Variants in ADARB2 observed in about 807,000 individuals in gnomAD.
The protein encoded by ADARB2 is inactive double-stranded RNA-specific editase B2.
A neutral mutation model predicts 62.2 loss-of-function variants in ADARB2; 25 were observed. The observed-to-expected ratio is 0.40, with a 90% CI of 0.29 to 0.56. ADARB2 has a LOEUF of 0.56. Among genes scored for constraint, ADARB2 ranks in the 20% least tolerant of loss-of-function variants. ADARB2 has a pLI of 0.43. For missense variants in ADARB2, 1,071 were observed against 1,077.4 expected (o/e 0.99, Z 0.08); for synonymous variants, 572 against 500.8 (o/e 1.14, Z -1.90).
chr10:1,403,774 A>G (rs1832684542), intron 1 of ADARB2, among the ~76,000 whole-genome samples: 1 of 152,202 alleles, frequency 6.6e-6, no homozygotes, highest in African/African-American at 2.4e-5. Context: ...GCAATGCAGT[A>G]TTGGAGGCAC....
intron 1 of ADARB2, among the ~76,000 whole-genome samples, chr10:1,392,334 C>T (rs1450038540): frequency 6.6e-6 from 1 of 152,168 alleles, no homozygotes; most frequent in Non-Finnish European, 1.5e-5. Context: ...ATACTTCAGC[C>T]TCTGTTACAA....
intron 1 of ADARB2, among the ~76,000 whole-genome samples, chr10:1,428,148 T>C (rs1830725923): frequency 3.3e-5 from 5 of 151,818 alleles, no homozygotes; most frequent in Admixed American, 3.3e-4. Context: ...TTTTTTTGTA[T>C]TTTTAGTAGA....
chr10:1,716,098 G>T, intron 1 of ADARB2, among the ~76,000 whole-genome samples: 1 of 151,294 alleles, frequency 6.6e-6, no homozygotes, highest in East Asian at 1.9e-4. Context: ...TTGCTAACTG[G>T]GTGCACCGTG....
At chr10:1,501,340 T>A (rs954402194) in intron 1 of ADARB2, among the ~76,000 whole-genome samples, 6 of 152,196 alleles carry the variant, frequency 3.9e-5, no homozygotes, top group Non-Finnish European at 8.8e-5. Flanking sequence ...TTTCTAGAGT[T>A]AAATATCCAG....
chr10:1,516,430 C>T (rs1196378381), intron 1 of ADARB2, among the ~76,000 whole-genome samples: 1 of 152,152 alleles, frequency 6.6e-6, no homozygotes, highest in Admixed American at 6.5e-5. Flanking sequence ...TCTCGACATA[C>T]ACGCTTCAGA....
intron 1 of ADARB2, among the ~76,000 whole-genome samples, chr10:1,496,641 G>A (rs2820620): frequency 0.94 from 142,305 of 151,954 alleles, 67,322 homozygotes; most frequent in East Asian, 1. Flanking sequence ...CATCATCATC[G>A]TATGGTTATC....
At chr10:1,209,588 A>G (rs1429380774) in intron 7 of ADARB2, among the ~76,000 whole-genome samples, 7 of 118,162 alleles carry the variant, frequency 5.9e-5, no homozygotes, top group Non-Finnish European at 8.9e-5. Context: ...CACTCTCACC[A>G]TCACCCACAC....
intron 3 of ADARB2, among the ~76,000 whole-genome samples, chr10:1,272,075 G>A (rs759384033): frequency 3.0e-4 from 45 of 152,330 alleles, no homozygotes; most frequent in Non-Finnish European, 4.7e-4. Context: ...CAGAGATGAC[G>A]GCTGTGACTA....
chr10:1,627,460 T>C (rs2119039188), intron 1 of ADARB2, among the ~76,000 whole-genome samples: 1 of 152,322 alleles, frequency 6.6e-6, no homozygotes, highest in Admixed American at 6.5e-5. Context: ...GTTCAATGTC[T>C]ATCAGGTGAA....
In ADARB2 at chr10:1,450,338, C is replaced by A. The variant is rs368087474; in HGVS notation, c.101-71178G>T. Among the ~76,000 whole-genome samples, 126 of 152,350 alleles carry A rather than the reference C, an allele frequency of 8.3e-4. 1 individual carries two copies. Among genetic ancestry groups the A allele is most frequent in the African/African-American group, 2.9e-3 (119 of 41,574 alleles). ...ATGGGTGTGTCTGTCCACTTCGTTT[C>A]CTGCTGCTGGAAGGGTGCTTTTTCT... On this transcript the variant is annotated intron_variant, in intron 1 of 9. Coordinates refer to ENST00000381312, the MANE Select transcript of ADARB2 (RefSeq NM_018702.4).
At chr10:1,569,560 C>T (rs1832908277) in intron 1 of ADARB2, among the ~76,000 whole-genome samples, 1 of 152,182 alleles carries the variant, frequency 6.6e-6, no homozygotes, top group Non-Finnish European at 1.5e-5. Flanking sequence ...TGATTTTATT[C>T]TTAAATTCTG....
chr10:1,424,518 C>T (rs1832879413), intron 1 of ADARB2, among the ~76,000 whole-genome samples: 1 of 152,218 alleles, frequency 6.6e-6, no homozygotes, highest in East Asian at 1.9e-4. Flanking sequence ...CCGGACAGTT[C>T]TATTGCTGAG....
At chr10:1,444,696 T>TCATC (rs1830946940) in intron 1 of ADARB2, among the ~76,000 whole-genome samples, 1 of 138,332 alleles carries the variant, frequency 7.2e-6, no homozygotes, top group Non-Finnish European at 1.6e-5. Flanking sequence ...ACTCACTCAT[T>TCATC]CATCCATTCA....
intron 1 of ADARB2, among the ~76,000 whole-genome samples, chr10:1,421,112 C>T (rs557212721): frequency 1.3e-5 from 2 of 152,156 alleles, no homozygotes; most frequent in African/African-American, 4.8e-5. Context: ...AGTCAGGTCC[C>T]CAGGATGGTG....
chr10:1,576,645 C>G (rs1833025787), intron 1 of ADARB2, among the ~76,000 whole-genome samples: 1 of 152,076 alleles, frequency 6.6e-6, no homozygotes, highest in East Asian at 1.9e-4. Context: ...CGTTTGGAGA[C>G]AGGTGATCAT....
At chr10:1,352,320 C>T (rs998941676) in intron 3 of ADARB2, among the ~76,000 whole-genome samples, 2 of 152,124 alleles carry the variant, frequency 1.3e-5, no homozygotes, top group Admixed American at 1.3e-4. Flanking sequence ...CTAACAAAAC[C>T]GTTATATAAA....
intron 3 of ADARB2, among the ~76,000 whole-genome samples, chr10:1,316,381 C>T (rs1029213927): frequency 1.3e-5 from 2 of 152,226 alleles, no homozygotes; most frequent in South Asian, 2.1e-4. Flanking sequence ...GTGGCCTTGT[C>T]GCAGCCCTTG....
At chr10:1,391,274 C>A (rs546672390) in intron 1 of ADARB2, among the ~76,000 whole-genome samples, 2 of 152,266 alleles carry the variant, frequency 1.3e-5, no homozygotes, top group Non-Finnish European at 2.9e-5. Flanking sequence ...TGTGACCCCC[C>A]CATAGTGCTC....
intron 1 of ADARB2, among the ~76,000 whole-genome samples, chr10:1,505,589 GC>G (rs1164276556): frequency 7.9e-5 from 12 of 152,120 alleles, no homozygotes; most frequent in African/African-American, 2.7e-4. Context: ...GCCTCACCAT[GC>G]CCCAGCCAGG....
Sources: allele counts gnomAD v4.1 joint callset (sites outside exome capture counted in the v4.1 genomes callset), GRCh38; gene constraint gnomAD v4.1.1; transcripts MANE v1.5; gene names NCBI Gene and HGNC (gene_info 2026-07-23, HGNC 2026-07-21).